NUP214: variants seen among roughly 807,000 people sequenced by gnomAD.
NUP214 encodes nucleoporin 214, also known as nuclear pore complex protein Nup214.
Under a neutral mutation model 196.2 loss-of-function variants are expected in NUP214, and 79 were observed. That is an observed-to-expected ratio of 0.40 (90% CI 0.34 to 0.49). The LOEUF (loss-of-function observed/expected upper bound fraction) is 0.49, where lower values mean the gene tolerates loss of function less well. Among genes scored for constraint, NUP214 ranks in the 20% least tolerant of loss-of-function variants. The probability of loss-of-function intolerance (pLI) is 0.58; values close to 1 mark genes in which losing one functional copy is unlikely to be tolerated. For synonymous variants in NUP214, 1,020 were observed against 990.5 expected (o/e 1.03, Z -0.56); for missense variants, 2,468 against 2,539.0 (o/e 0.97, Z 0.60).
At chr9:131,211,096 T>C (rs1045566241) in intron 30 of NUP214, among the ~76,000 whole-genome samples, 17 of 152,190 alleles carry the variant, frequency 1.1e-4, no homozygotes, top group African/African-American at 4.1e-4. Flanking sequence ...ATTTAATCAT[T>C]CATATAGGAA....
At chr9:131,153,410 G>A (rs987103744) in intron 17 of NUP214, 1 of 152,048 alleles carries the variant, frequency 6.6e-6, no homozygotes, top group Non-Finnish European at 1.5e-5. Flanking sequence ...AGCCCTTGCT[G>A]TGATCTGCAG....
At chr9:131,220,979 T>C (rs1288343917) in intron 31 of NUP214, among the ~76,000 whole-genome samples, 1 of 152,206 alleles carries the variant, frequency 6.6e-6, no homozygotes, top group African/African-American at 2.4e-5. Context: ...TCAACCCCAG[T>C]CTTGCCCTTG....
intron 27 of NUP214, chr9:131,192,497 T>A: frequency 2.5e-6 from 1 of 406,712 alleles, no homozygotes; most frequent in East Asian, 3.9e-5. Flanking sequence ...AATACTTGTT[T>A]GTTACATATT....
rs1479143880 is a variant in NUP214 at position 131,125,836 on chromosome 9, G to A, written c.45+87G>A. ...TGAAAGGCGAAGCGCGGTGCTGGCT[G>A]TCCCGCCTCCTGCTTGAACAGTTTA... On this transcript the variant is annotated intron_variant, in intron 1 of 35. Coordinates refer to ENST00000359428, the MANE Select transcript of NUP214 (RefSeq NM_005085.4). The surrounding 1 kb of genome is among the most constrained non-coding windows in gnomAD (Gnocchi z 4.1). The A allele has an allele frequency of 2.7e-6, 4 of 1,456,808 alleles. No individual in the cohort carries two copies. The highest frequency in any genetic ancestry group is 1.2e-5 in the South Asian group (1 of 81,772). The allele number at this position is 1,456,808 out of a possible 1,614,324, so 90.2% of individuals were successfully genotyped here. A position where few individuals can be genotyped will look rare whatever the true frequency, so the allele number is the denominator to read the frequency against.
intron 17 of NUP214, among the ~76,000 whole-genome samples, chr9:131,154,007 T>C (rs1166053197): frequency 1.3e-5 from 2 of 152,150 alleles, no homozygotes. Context: ...TTTTGGCTGG[T>C]GGGCACAATT....
chr9:131,138,804 G>A (rs1231421709), intron 9 of NUP214, among the ~76,000 whole-genome samples: 1 of 152,176 alleles, frequency 6.6e-6, no homozygotes, highest in Non-Finnish European at 1.5e-5. Flanking sequence ...ACGAGTGAGC[G>A]CAGGGCATCT....
intron 31 of NUP214, among the ~76,000 whole-genome samples, chr9:131,218,424 TTCTC>T (rs1270705527): frequency 6.6e-6 from 1 of 152,130 alleles, no homozygotes; most frequent in Admixed American, 6.5e-5. Context: ...GACAGCTTCT[TTCTC>T]CTTAATTGAC....
chr9:131,175,614 G>A lies in NUP214; in HGVS notation c.3312G>A (p.Gln1104=), dbSNP rs150292060. 1.5e-5 allele frequency: 25 copies of A among 1,614,168 alleles called. No homozygotes were observed. Among genetic ancestry groups the A allele is most frequent in the Middle Eastern group, 3.3e-4 (2 of 6,062 alleles). Residue 1104 remains glutamine, a synonymous_variant, in exon 23 of 36, where the codon CAG becomes CAA. Coordinates refer to ENST00000359428, the MANE Select transcript of NUP214 (RefSeq NM_005085.4). ...CACTCAGGCGGCAGATGGCCAGTCA[G>A]GCACCAGGTAAAAGCTGTAGCCCCA... ...AAALRRQMAS[Q]APAVNTLTES...
chr9:131,201,380 TG>T (rs1833933544), intron 29 of NUP214, among the ~76,000 whole-genome samples: 1 of 151,450 alleles, frequency 6.6e-6, no homozygotes, highest in African/African-American at 2.4e-5. Context: ...CACTCCAGCC[TG>T]GGCGACAGAG....
intron 17 of NUP214, chr9:131,159,068 A>G (rs1156380689): frequency 4.6e-6 from 1 of 215,414 alleles, no homozygotes; most frequent in Non-Finnish European, 9.0e-6. Flanking sequence ...AAGTTTTTTT[A>G]TGTAACTTTT....
intron 17 of NUP214, among the ~76,000 whole-genome samples, chr9:131,154,026 A>G (rs1832355398): frequency 6.6e-6 from 1 of 152,246 alleles, no homozygotes; most frequent in African/African-American, 2.4e-5. Context: ...TTGGGAGGGC[A>G]TTCCAAAGAA....
intron 31 of NUP214, among the ~76,000 whole-genome samples, chr9:131,218,762 A>G (rs368675731): frequency 6.6e-6 from 1 of 152,124 alleles, no homozygotes. Flanking sequence ...CCCACTGACT[A>G]TAGGATAAAG....
chr9:131,167,149 G>T (rs1396418054), intron 21 of NUP214: 1 of 152,006 alleles, frequency 6.6e-6, no homozygotes, highest in Non-Finnish European at 1.5e-5. Context: ...CTCTTTAGTC[G>T]CCTTTTCTTT....
rs748820661 is a variant in NUP214, at chr9:131,125,649, G to A, written c.-56G>A. On this transcript the variant is annotated 5_prime_UTR_variant, in exon 1 of 36. The change creates a new upstream start codon in the 5' untranslated region. Coordinates refer to ENST00000359428, the MANE Select transcript of NUP214 (RefSeq NM_005085.4). The surrounding 1 kb of genome is among the most constrained non-coding windows in gnomAD (Gnocchi z 4.1). Reference sequence around the variant, plus strand: ...TTTGCTGTCGAGCGGCCTGGGTTCCGTGGGCAAGGCCGTGGGAGGCAGCGT... The same window carrying A: ...TTTGCTGTCGAGCGGCCTGGGTTCCATGGGCAAGGCCGTGGGAGGCAGCGT... The A allele has an allele frequency of 1.3e-6, 2 of 1,546,684 alleles. No homozygotes were observed. The highest frequency in any genetic ancestry group is 1.7e-6 in the Non-Finnish European group (2 of 1,144,182).
intron 30 of NUP214, among the ~76,000 whole-genome samples, chr9:131,207,794 A>G (rs547887280): frequency 6.6e-6 from 1 of 152,362 alleles, no homozygotes; most frequent in East Asian, 1.9e-4. Flanking sequence ...AGCCCATCAT[A>G]GGTGTGAGCA....
rs534732848 is a variant in NUP214 at position 131,218,336 on chromosome 9, A to G, written c.5749+2968A>G. ...GAATAAAAGGAAGGAACAGTGGAGA[A>G]GGAAGAGCTGGGAGTCGTCTGGGGA... On this transcript the variant is annotated intron_variant, in intron 31 of 35. Coordinates refer to ENST00000359428, the MANE Select transcript of NUP214 (RefSeq NM_005085.4). 6.6e-5 allele frequency among the ~76,000 whole-genome samples: 10 copies of G among 152,344 alleles called. No individual in the cohort carries two copies. The South Asian group carries it at 1.9e-3, about 28-fold the overall frequency.
Position 131,161,508 on chromosome 9 carries a change from C to T in NUP214, c.2541-1483C>T, listed in dbSNP as rs181896161. ...TCCTGACCTCGTGATCCACCCACCT[C>T]GCCCTCCCAGAGTGCTGGGATTACA... On this transcript the variant is annotated intron_variant, in intron 18 of 35. Coordinates refer to ENST00000359428, the MANE Select transcript of NUP214 (RefSeq NM_005085.4). 4.3e-3 allele frequency among the ~76,000 whole-genome samples: 656 copies of T among 152,266 alleles called. 3 individuals carry two copies. The highest frequency in any genetic ancestry group is 6.8e-3 in the Middle Eastern group (2 of 292).
Position 131,205,695 on chromosome 9 carries a change from T to A in NUP214, c.5592+3978T>A, listed in dbSNP as rs536908345. Among the ~76,000 whole-genome samples the A allele has an allele frequency of 3.9e-5, 6 of 152,332 alleles. No homozygotes were observed. The South Asian group carries it at 1.2e-3, about 32-fold the overall frequency. On this transcript the variant is annotated intron_variant, in intron 30 of 35. Transcript: ENST00000359428. ...TATAGCTGGCCTAGGTTTGTTTTTT[T>A]GTTGTTGTTTTGTTTTTGAGACGGA...
chr9:131,190,005 T>A, intron 26 of NUP214: 1 of 168,242 alleles, frequency 5.9e-6, no homozygotes, highest in Non-Finnish European at 1.3e-5. Flanking sequence ...CATACAGTCA[T>A]TCTGACTTTC....
Sources: gnomAD v4.1 joint callset for allele counts (sites outside exome capture counted in the v4.1 genomes callset) on GRCh38, gnomAD v4.1.1 for gene constraint, Gnocchi (gnomAD v3.1) non-coding constraint, MANE v1.5 for transcripts, NCBI Gene and HGNC (gene_info 2026-07-23, HGNC 2026-07-21) for gene names.